Variants in SDK2 observed in about 807,000 individuals in gnomAD.
SDK2 encodes the protein protein sidekick-2.
Under a neutral mutation model 253.9 loss-of-function variants are expected in SDK2, and 105 were observed. That is an observed-to-expected ratio of 0.41 (90% confidence interval 0.35 to 0.49). The LOEUF is 0.49. Ranked by LOEUF, SDK2 falls within the 20% of genes least tolerant of loss-of-function variation. SDK2 has a pLI of 0.06. For missense variants in SDK2, 2,608 were observed against 3,003.0 expected, an observed-to-expected ratio of 0.87 and a Z score of 3.07; for synonymous variants, 1,249 against 1,234.9, an observed-to-expected ratio of 1.01 and a Z score of -0.24.
intron 1 of SDK2, among the ~76,000 whole-genome samples, chr17:73,617,852 C>A (rs1236275276): frequency 6.6e-6 from 1 of 152,176 alleles, no homozygotes; most frequent in Non-Finnish European, 1.5e-5. Flanking sequence ...TCTCATCCAT[C>A]CCCCGGCCTC....
At chr17:73,347,686 C>T (rs189309751) in intron 44 of SDK2, among the ~76,000 whole-genome samples, 56 of 152,298 alleles carry the variant, frequency 3.7e-4, no homozygotes, top group African/African-American at 1.3e-3. Flanking sequence ...AGTGGCCTTT[C>T]GTGGCCCTTT....
chr17:73,361,639 C>G lies in SDK2; in HGVS notation c.5467+45G>C, dbSNP rs772570631. 2 of 1,584,140 alleles carry G rather than the reference C, an allele frequency of 1.3e-6. No individual in the cohort carries two copies. The highest frequency in any genetic ancestry group is 2.7e-5 in the African/African-American group (2 of 74,498). On this transcript the variant is annotated intron_variant, in intron 39 of 44. Coordinates refer to ENST00000392650, the MANE Select transcript of SDK2 (RefSeq NM_001144952.2). The surrounding 1 kb of genome is among the most constrained non-coding windows in gnomAD (Gnocchi z 4.1). Reference sequence around the variant, plus strand: ...CGGGGGCCCCTTCTGACTGGGGACGCTGAACCGCCGTGTGGAAGACATGCC... The same window carrying G: ...CGGGGGCCCCTTCTGACTGGGGACGGTGAACCGCCGTGTGGAAGACATGCC...
intron 2 of SDK2, among the ~76,000 whole-genome samples, chr17:73,491,802 T>C (rs1292412795): frequency 6.6e-6 from 1 of 152,154 alleles, no homozygotes; most frequent in East Asian, 1.9e-4. Context: ...AGTGGGAGAA[T>C]TGGACCAGAA....
At chr17:73,433,928 C>T in intron 9 of SDK2, 80 bp from the exon 10 acceptor site, 1 of 952,602 alleles carries the variant, frequency 1.0e-6, no homozygotes, top group South Asian at 1.8e-5. Flanking sequence ...CCTCCAAGCC[C>T]ACCGAGGGCC....
At chr17:73,559,429 A>G (rs1362709623) in intron 1 of SDK2, among the ~76,000 whole-genome samples, 1 of 152,248 alleles carries the variant, frequency 6.6e-6, no homozygotes, top group Admixed American at 6.5e-5. Context: ...ATTACATTGT[A>G]ATGTGTATTA....
chr17:73,627,053 A>T (rs2046211176), intron 1 of SDK2, among the ~76,000 whole-genome samples: 1 of 152,186 alleles, frequency 6.6e-6, no homozygotes, highest in East Asian at 1.9e-4. Flanking sequence ...TGCCAGCATG[A>T]GCATCTTGTA....
chr17:73,348,922 G>T (rs112257538), intron 43 of SDK2, among the ~76,000 whole-genome samples, 197 bp from the exon 44 acceptor site: 1 of 152,240 alleles, frequency 6.6e-6, no homozygotes, highest in African/African-American at 2.4e-5. Context: ...GAAAAATGGG[G>T]TGCCCGGCTA....
At chr17:73,529,322 G>A (rs963909417) in intron 1 of SDK2, among the ~76,000 whole-genome samples, 5 of 152,160 alleles carry the variant, frequency 3.3e-5, no homozygotes, top group Non-Finnish European at 7.3e-5. Flanking sequence ...GGAGACTTTG[G>A]AAAGGCCACC....
intron 18 of SDK2, among the ~76,000 whole-genome samples, chr17:73,407,911 A>C (rs2063092094): frequency 6.6e-6 from 1 of 152,224 alleles, no homozygotes; most frequent in Admixed American, 6.5e-5. Context: ...ATATTTGCCT[A>C]TCCCCATATT....
chr17:73,602,092 C>T (rs984819134), intron 1 of SDK2, among the ~76,000 whole-genome samples: 2 of 152,206 alleles, frequency 1.3e-5, no homozygotes, highest in African/African-American at 4.8e-5. Context: ...GTTGCGGCAG[C>T]CACAGGAAAC....
At chr17:73,576,362 T>A (rs2045458767) in intron 1 of SDK2, among the ~76,000 whole-genome samples, 1 of 150,958 alleles carries the variant, frequency 6.6e-6, no homozygotes, top group African/African-American at 2.4e-5. Flanking sequence ...GTCCCAAGGA[T>A]GAGAGGGGCG....
chr17:73,641,689 G>C (rs1276621748), intron 1 of SDK2, among the ~76,000 whole-genome samples: 1 of 151,644 alleles, frequency 6.6e-6, no homozygotes, highest in Non-Finnish European at 1.5e-5. Flanking sequence ...TTCGTCCCTC[G>C]TTCTGTGCCA....
intron 1 of SDK2, among the ~76,000 whole-genome samples, chr17:73,568,971 G>C (rs2045345876): frequency 6.6e-6 from 1 of 152,146 alleles, no homozygotes; most frequent in Admixed American, 6.5e-5. Context: ...CACCTATTAT[G>C]TGCTAATGGC....
chr17:73,495,101 A>C (rs1280880498), intron 2 of SDK2, among the ~76,000 whole-genome samples: 1 of 152,174 alleles, frequency 6.6e-6, no homozygotes, highest in Non-Finnish European at 1.5e-5. Context: ...TTCTAGTTGA[A>C]TTGTTATGAG....
At chr17:73,544,789 C>T (rs564098830) in intron 1 of SDK2, among the ~76,000 whole-genome samples, 1 of 152,138 alleles carries the variant, frequency 6.6e-6, no homozygotes, top group South Asian at 2.1e-4. Context: ...TTGAGGGGAA[C>T]AAGGGAGCAG....
intron 6 of SDK2, among the ~76,000 whole-genome samples, chr17:73,438,787 G>T (rs1335797311): frequency 1.3e-5 from 2 of 152,044 alleles, no homozygotes; most frequent in Admixed American, 6.6e-5. Flanking sequence ...TTTAGCACCT[G>T]GTGGGTCCCT....
At chr17:73,517,022 T>C (rs1297538090) in intron 1 of SDK2, 1 of 152,058 alleles carries the variant, frequency 6.6e-6, no homozygotes, top group Non-Finnish European at 1.5e-5. Context: ...GCTCAGCCCA[T>C]GGTACGTCCA....
In SDK2 at chr17:73,352,348, ATG is replaced by A. The variant is rs1319606699; in HGVS notation, c.5758+123_5758+124del. On this transcript the variant is annotated intron_variant, in intron 41 of 44. Transcript: ENST00000392650. This position sits in a 1 kb window ranked among gnomAD's most constrained non-coding sequence, Gnocchi z 4.1. ...GCCTCTTCACAGCCCCGAGGGGACA[ATG>A]TGTTTTTGTTCCCGCCCCATGCTCC... 1 of 1,205,074 alleles carries A rather than the reference ATG, an allele frequency of 8.3e-7. No homozygotes were observed. Among genetic ancestry groups the A allele is most frequent in the South Asian group, 1.5e-5 (1 of 66,928 alleles). 74.6% of individuals were successfully genotyped at this position (1,205,074 alleles called of 1,614,324 possible).
chr17:73,390,564 C>G, intron 28 of SDK2, 83 bp from the exon 29 acceptor site: 1 of 1,390,888 alleles, frequency 7.2e-7, no homozygotes. Flanking sequence ...CCGTCCAAAG[C>G]CACAGCTGTG....
Sources: gnomAD v4.1 joint callset for allele counts (sites outside exome capture counted in the v4.1 genomes callset) on GRCh38, gnomAD v4.1.1 for gene constraint, Gnocchi (gnomAD v3.1) non-coding constraint, MANE v1.5 for transcripts, NCBI Gene and HGNC (gene_info 2026-07-23, HGNC 2026-07-21) for gene names.